SSH2: variants seen among roughly 807,000 people sequenced by gnomAD.
The protein encoded by SSH2 is protein phosphatase Slingshot homolog 2.
Under a neutral mutation model 135.2 loss-of-function variants are expected in SSH2, and 37 were observed. The observed-to-expected ratio is 0.27, with a 90% CI of 0.21 to 0.36. The LOEUF (loss-of-function observed/expected upper bound fraction) is 0.36. SSH2 is among the 10% of genes least tolerant of loss of function. The pLI, the probability that SSH2 is intolerant of heterozygous loss-of-function variation, is 1.00. For missense variants in SSH2, 1,408 were observed against 1,765.3 expected (o/e 0.80, Z 3.63); for synonymous variants, 628 against 646.2 (o/e 0.97, Z 0.43).
intron 8 of SSH2, chr17:29,676,268 A>T (rs2037713118): frequency 6.5e-6 from 1 of 152,688 alleles, no homozygotes. Context: ...CCCTGTCTCT[A>T]CTAAAAAATA....
At chr17:29,882,453 T>C (rs1438834918) in intron 1 of SSH2, among the ~76,000 whole-genome samples, 2 of 152,238 alleles carry the variant, frequency 1.3e-5, no homozygotes, top group Non-Finnish European at 2.9e-5. Context: ...ATACATGCTT[T>C]TAAATAAAGA....
At chr17:29,783,190 T>A (rs1482194990) in intron 3 of SSH2, among the ~76,000 whole-genome samples, 2 of 150,852 alleles carry the variant, frequency 1.3e-5, no homozygotes, top group Non-Finnish European at 2.9e-5. Context: ...CCAGGTGGGG[T>A]CATTCGGTTG....
intron 3 of SSH2, among the ~76,000 whole-genome samples, chr17:29,704,397 A>C (rs2039115270): frequency 6.6e-6 from 1 of 152,120 alleles, no homozygotes; most frequent in Non-Finnish European, 1.5e-5. Flanking sequence ...TGAGGATAGT[A>C]ACTATTCAAA....
intron 15 of SSH2, among the ~76,000 whole-genome samples, chr17:29,634,228 C>T (rs531121178): frequency 1.3e-4 from 20 of 152,142 alleles, no homozygotes; most frequent in Non-Finnish European, 8.8e-5. Flanking sequence ...GAGAACAAAT[C>T]GTTAACGGAC....
chr17:29,818,711 GAAA>G (rs2042602118), intron 2 of SSH2, among the ~76,000 whole-genome samples: 1 of 152,090 alleles, frequency 6.6e-6, no homozygotes, highest in African/African-American at 2.4e-5. Flanking sequence ...GAGTAACTTT[GAAA>G]ACATCTATCC....
chr17:29,817,742 A>C (rs1191585113), intron 2 of SSH2, among the ~76,000 whole-genome samples: 2 of 152,098 alleles, frequency 1.3e-5, no homozygotes, highest in African/African-American at 2.4e-5. Flanking sequence ...ACCTATGAAC[A>C]ATCTCTTGTA....
At chr17:29,682,983 C>A (rs1368134112) in intron 6 of SSH2, among the ~76,000 whole-genome samples, 3 of 152,188 alleles carry the variant, frequency 2.0e-5, no homozygotes, top group Non-Finnish European at 4.4e-5. Flanking sequence ...ACCCCCAAGT[C>A]ATTTTCAGGT....
At chr17:29,696,770 C>T (rs1001711068) in intron 4 of SSH2, among the ~76,000 whole-genome samples, 1 of 150,500 alleles carries the variant, frequency 6.6e-6, no homozygotes, top group Non-Finnish European at 1.5e-5. Flanking sequence ...CTGCAAGCTC[C>T]GCCTCCCAAG....
intron 3 of SSH2, among the ~76,000 whole-genome samples, chr17:29,706,034 G>T (rs1421241795): frequency 6.6e-6 from 1 of 152,172 alleles, no homozygotes; most frequent in Non-Finnish European, 1.5e-5. Context: ...TCTAAGGCAC[G>T]TATTAGCTGC....
chr17:29,719,007 T>C (rs2039724892), intron 3 of SSH2, among the ~76,000 whole-genome samples: 1 of 152,192 alleles, frequency 6.6e-6, no homozygotes, highest in Non-Finnish European at 1.5e-5. Flanking sequence ...TGCAACATTA[T>C]ACTGGTAATA....
intron 2 of SSH2, among the ~76,000 whole-genome samples, chr17:29,848,429 C>T (rs2065485090): frequency 6.6e-6 from 1 of 152,034 alleles, no homozygotes; most frequent in Admixed American, 6.6e-5. Context: ...ACATGTGAGG[C>T]CCATGTACGT....
At chr17:29,738,590 G>A (rs929323847) in intron 3 of SSH2, among the ~76,000 whole-genome samples, 15 of 139,348 alleles carry the variant, frequency 1.1e-4, no homozygotes, top group Non-Finnish European at 1.8e-4. Flanking sequence ...GTCTCGCTCT[G>A]TTGCCTAGGC....
chr17:29,792,396 G>A (rs1321350967), intron 3 of SSH2, among the ~76,000 whole-genome samples: 3 of 151,948 alleles, frequency 2.0e-5, no homozygotes, highest in Non-Finnish European at 2.9e-5. Flanking sequence ...TCATTCTAAT[G>A]GGAATATGAT....
At chr17:29,782,111 G>A (rs1188314704) in intron 3 of SSH2, among the ~76,000 whole-genome samples, 2 of 152,150 alleles carry the variant, frequency 1.3e-5, no homozygotes, top group African/African-American at 2.4e-5. Context: ...CTCCCAAAGT[G>A]CTGGGATTAT....
chr17:29,747,909 T>G (rs2040814059), intron 3 of SSH2, among the ~76,000 whole-genome samples: 1 of 152,226 alleles, frequency 6.6e-6, no homozygotes, highest in South Asian at 2.1e-4. Flanking sequence ...AAACAGAGAC[T>G]GACAACATCT....
chr17:29,736,082 G>A (rs2040353979), intron 3 of SSH2, among the ~76,000 whole-genome samples: 1 of 152,118 alleles, frequency 6.6e-6, no homozygotes, highest in Non-Finnish European at 1.5e-5. Flanking sequence ...GGACGACAGA[G>A]TGACACTATC....
chr17:29,808,628 A>C (rs543821654), intron 2 of SSH2, among the ~76,000 whole-genome samples: 1 of 152,312 alleles, frequency 6.6e-6, no homozygotes, highest in South Asian at 2.1e-4. Flanking sequence ...ATGTCTAACT[A>C]TGTGTATACT....
chr17:29,699,079 C>A (rs1485829689), intron 4 of SSH2, among the ~76,000 whole-genome samples: 7 of 152,152 alleles, frequency 4.6e-5, no homozygotes, highest in African/African-American at 1.7e-4. Context: ...TCCTACTGGG[C>A]AACTGTTCTT....
At chr17:29,829,726 C>T (rs1028090499) in intron 2 of SSH2, among the ~76,000 whole-genome samples, 2 of 152,114 alleles carry the variant, frequency 1.3e-5, no homozygotes, top group Non-Finnish European at 2.9e-5. Flanking sequence ...CATATAGAAG[C>T]CCATTCTCCA....
Sources: allele counts gnomAD v4.1 joint callset (sites outside exome capture counted in the v4.1 genomes callset), GRCh38; gene constraint gnomAD v4.1.1; transcripts MANE v1.5; gene names NCBI Gene and HGNC (gene_info 2026-07-23, HGNC 2026-07-21).